Variants in HSPA4L observed in about 807,000 individuals in gnomAD.
HSPA4L encodes the protein heat shock protein family A (Hsp70) member 4 like, also known as heat shock 70 kDa protein 4L.
A neutral mutation model predicts 100.3 loss-of-function variants in HSPA4L; 48 were observed. The ratio of observed to expected loss-of-function variants is 0.48; its 90% CI spans 0.38 to 0.61. HSPA4L has a LOEUF of 0.61. HSPA4L is among the 20% of genes least tolerant of loss of function. HSPA4L has a pLI of 0.00. For synonymous variants in HSPA4L, 319 were observed against 328.2 expected, an observed-to-expected ratio of 0.97 and a Z score of 0.30; for missense variants, 886 against 988.6, an observed-to-expected ratio of 0.90 and a Z score of 1.39.
intron 1 of HSPA4L, among the ~76,000 whole-genome samples, chr4:127,785,971 T>C (rs1732705630): frequency 6.6e-6 from 1 of 152,230 alleles, no homozygotes; most frequent in Non-Finnish European, 1.5e-5. Flanking sequence ...CATGTCTGCA[T>C]TGTTACTTAA....
Position 127,801,252 on chromosome 4 carries a change from A to G in HSPA4L, c.529+15A>G, listed in dbSNP as rs1003736836. 1.7e-5 allele frequency: 26 copies of G among 1,563,132 alleles called. No individual in the cohort carries two copies. Among genetic ancestry groups the G allele is most frequent in the Non-Finnish European group, 2.3e-5 (26 of 1,147,364 alleles). On this transcript the variant is annotated intron_variant, in intron 5 of 18. Coordinates refer to ENST00000296464, the MANE Select transcript of HSPA4L (RefSeq NM_014278.4). ...AACTACTGCAGGTGAGCACTTTGCA[A>G]TTTGAAAATCACTATAAGCAAAATA...
rs747486573 is a variant in HSPA4L at position 127,820,418 on chromosome 4, G to A, written c.1675-10G>A. The A allele has an allele frequency of 1.4e-5, 22 of 1,545,310 alleles. No homozygotes were observed. Among genetic ancestry groups the A allele is most frequent in the Non-Finnish European group, 1.7e-5 (20 of 1,152,266 alleles). Reference sequence around the variant, plus strand: ...TTTTAGAAATTTATACTTCTCTTTCGGATTTGCAGTCAGCTGTCTCAGACA... The same window carrying A: ...TTTTAGAAATTTATACTTCTCTTTCAGATTTGCAGTCAGCTGTCTCAGACA... On this transcript the variant is annotated splice_polypyrimidine_tract_variant and intron_variant, in intron 13 of 18. Transcript: ENST00000296464.
In HSPA4L at chr4:127,839,529, C is replaced by T. The variant is rs1734313453; in HGVS notation, c.*6655C>T. 6.7e-6 allele frequency: 1 copy of T among 150,084 alleles called. No individual in the cohort carries two copies. Among genetic ancestry groups the T allele is most frequent in the Non-Finnish European group, 1.5e-5 (1 of 67,540 alleles). 9.3% of individuals were successfully genotyped at this position (150,084 alleles called of 1,614,324 possible). ...CTTGAACCCTGGCGAAACCCCATTTCTAAAATAGAAAAATTTAGCCGGGTG... is the reference window on the plus strand; with the variant it reads ...CTTGAACCCTGGCGAAACCCCATTTTTAAAATAGAAAAATTTAGCCGGGTG... On this transcript the variant is annotated 3_prime_UTR_variant, in exon 19 of 19. Transcript: ENST00000296464.
At chr4:127,795,656 C>A in intron 2 of HSPA4L, 112 bp from the exon 3 acceptor site, 1 of 976,516 alleles carries the variant, frequency 1.0e-6, no homozygotes, top group Non-Finnish European at 1.5e-6. Flanking sequence ...TATTTGTAAT[C>A]CTAAACTTGG....
chr4:127,803,647 G>T lies in HSPA4L; in HGVS notation c.682G>T (p.Asp228Tyr). 1 of 1,612,578 alleles carries T rather than the reference G, an allele frequency of 6.2e-7. No homozygotes were observed. Among genetic ancestry groups the T allele is most frequent in the Non-Finnish European group, 8.5e-7 (1 of 1,179,534 alleles). The change falls in exon 7 of 19, where the codon GAT becomes TAT. Residue 228 changes from aspartate (D) to tyrosine (Y), a missense_variant. Physicochemically the swap from Asp to Tyr is radical, Grantham distance 160. Coordinates refer to ENST00000296464, the MANE Select transcript of HSPA4L (RefSeq NM_014278.4). Reference sequence around the variant, plus strand: ...TAAACAGGTCTTGGCTACTACCTTTGATCCATATTTGGGTGGCAGGAACTT... The same window carrying T: ...TAAACAGGTCTTGGCTACTACCTTTTATCCATATTTGGGTGGCAGGAACTT... ...GKLKVLATTF[D>Y]PYLGGRNFDE... is the part of the protein sequence containing the mutation.
rs1733416026 is a variant in HSPA4L, at chr4:127,808,137, A to T, written c.1378+8A>T. Reference sequence around the variant, plus strand: ...ATCCTGATGCAAGAATTGGTAAGATAAAAAAAAGTTCTCCATAACATTTTG... The same window carrying T: ...ATCCTGATGCAAGAATTGGTAAGATTAAAAAAAGTTCTCCATAACATTTTG... On this transcript the variant is annotated splice_region_variant and intron_variant, in intron 11 of 18. Coordinates refer to ENST00000296464, the MANE Select transcript of HSPA4L (RefSeq NM_014278.4). The T allele has an allele frequency of 6.4e-7, 1 of 1,561,610 alleles. No homozygotes were observed. Among genetic ancestry groups the T allele is most frequent in the Non-Finnish European group, 8.6e-7 (1 of 1,156,836 alleles).
rs1352425769 is a variant in HSPA4L, at chr4:127,830,620, C to A, written c.2167-18C>A. On this transcript the variant is annotated intron_variant, in intron 17 of 18. Coordinates refer to ENST00000296464, the MANE Select transcript of HSPA4L (RefSeq NM_014278.4). ...GAAAAATCATTAACATGCAGTCAAG[C>A]TTTTTTTTTTTAAATAGGATGAAAG... The A allele has an allele frequency of 3.2e-6, 4 of 1,233,132 alleles. No individual in the cohort carries two copies. The highest frequency in any genetic ancestry group is 4.4e-6 in the Non-Finnish European group (4 of 910,790). The allele number at this position is 1,233,132 out of a possible 1,614,324, so 76.4% of individuals were successfully genotyped here.
At chr4:127,827,028 C>G (rs1733965901) in intron 16 of HSPA4L, among the ~76,000 whole-genome samples, 1 of 151,802 alleles carries the variant, frequency 6.6e-6, no homozygotes, top group South Asian at 2.1e-4. Context: ...GTTTTAACAC[C>G]CAGCTTTTAA....
chr4:127,821,597 A>G (rs1305879280), intron 14 of HSPA4L, among the ~76,000 whole-genome samples: 1 of 152,110 alleles, frequency 6.6e-6, no homozygotes, highest in Non-Finnish European at 1.5e-5. Context: ...TTCACAGGTG[A>G]GGAAACTGAG....
rs765879421 is a variant in HSPA4L, at chr4:127,818,336, G to T, written c.1590G>T (p.Gln530His). 1 of 1,608,448 alleles carries T rather than the reference G, an allele frequency of 6.2e-7. No individual in the cohort carries two copies. The highest frequency in any genetic ancestry group is 1.1e-5 in the South Asian group (1 of 90,340). Residue 530 changes from glutamine (Q) to histidine (H), a missense_variant, in exon 13 of 19, where the codon CAG (glutamine) becomes CAT (histidine). Transcript: ENST00000296464. Reference protein sequence around the residue: ...NENKDNMDKMQVDQEEGHQKC... With the variant: ...NENKDNMDKMHVDQEEGHQKC... The stretch of plus-strand genomic sequence containing the variant: ...TATTTTCTTTCTAGGATAAAATGCA[G>T]GTTGATCAAGAAGAAGGGCATCAAA...
At position 127,801,794 on chromosome 4, in the gene HSPA4L, C is replaced by T. The variant is rs137878800; in HGVS notation, c.539C>T (p.Ala180Val). 721 of 1,604,754 alleles carry T rather than the reference C, an allele frequency of 4.5e-4. 5 individuals carry two copies. In the African/African-American group the frequency reaches 7.9e-3, roughly 17 times the overall value. The part of the protein sequence containing the change: ...LMNETTAVAL[A>V]YGIYKQDLPP... ...CTTTGTTCTTATACAGTTGCACTGG[C>T]GTATGGAATTTATAAACAGGATCTT... Residue 180 changes from alanine to valine, a missense_variant, in exon 6 of 19, where the codon GCG becomes GTG. Physicochemically the swap from Ala to Val is moderately conservative, Grantham distance 64. Coordinates refer to ENST00000296464, the MANE Select transcript of HSPA4L (RefSeq NM_014278.4).
chr4:127,805,076 T>A lies in HSPA4L; in HGVS notation c.989T>A (p.Leu330Ter). The change falls in exon 9 of 19, where the codon TTA becomes TAA. Residue 330 changes from leucine to a stop codon, truncating the protein, a stop_gained. Transcript: ENST00000296464. LOFTEE classifies it high-confidence loss of function. ...CTCAATTAAAAAAATTTTCCAGACT[T>A]ACAACGTGAAGACATTAGTAGTATA... ...PLKAVMEQAN[L>*]QREDISSIEI... 2 of 1,588,040 alleles carry A rather than the reference T, an allele frequency of 1.3e-6. No individual in the cohort carries two copies. The highest frequency in any genetic ancestry group is 1.7e-6 in the Non-Finnish European group (2 of 1,168,686).
chr4:127,832,490 T>C (rs1487725534), intron 18 of HSPA4L, among the ~76,000 whole-genome samples, 193 bp from the exon 19 acceptor site: 2 of 152,214 alleles, frequency 1.3e-5, no homozygotes, highest in Non-Finnish European at 2.9e-5. Context: ...AATTTTTGAC[T>C]GCCACAGACA....
In HSPA4L at chr4:127,835,847, G is replaced by C. The variant is rs1734193955; in HGVS notation, c.*2973G>C. ...ACCTGTAATCCTAGCACTTTGAGAG[G>C]CTAAGAAGGGAGGATCACTTGAACC... On this transcript the variant is annotated 3_prime_UTR_variant, in exon 19 of 19. Coordinates refer to ENST00000296464, the MANE Select transcript of HSPA4L (RefSeq NM_014278.4). 6.6e-6 allele frequency: 1 copy of C among 152,352 alleles called. No homozygotes were observed. The highest frequency in any genetic ancestry group is 2.1e-4 in the South Asian group (1 of 4,820). 9.4% of individuals were successfully genotyped at this position (152,352 alleles called of 1,614,324 possible). A position where few individuals can be genotyped will look rare whatever the true frequency, so the allele number is the denominator to read the frequency against.
At chr4:127,804,537 C>T (rs2148786300) in intron 8 of HSPA4L, among the ~76,000 whole-genome samples, 1 of 151,606 alleles carries the variant, frequency 6.6e-6, no homozygotes, top group Non-Finnish European at 1.5e-5. Context: ...ACCTGGGAGG[C>T]GGATGTTGCA....
chr4:127,803,542 T>C (rs535824505), intron 6 of HSPA4L, 87 bp from the exon 7 acceptor site: 1 of 1,326,324 alleles, frequency 7.5e-7, no homozygotes, highest in East Asian at 2.5e-5. Context: ...TTTTTATTTT[T>C]ACATTTTTTT....
intron 17 of HSPA4L, among the ~76,000 whole-genome samples, chr4:127,827,894 G>A (rs1421737345): frequency 6.6e-6 from 1 of 151,840 alleles, no homozygotes; most frequent in South Asian, 2.1e-4. Context: ...ATTCTTTTAT[G>A]TACATATTCA....
chr4:127,805,276 A>G, intron 9 of HSPA4L, 52 bp downstream of exon 9: 1 of 1,439,622 alleles, frequency 6.9e-7, no homozygotes. Flanking sequence ...GAAATGAGTG[A>G]TAGATCCAAA....
chr4:127,785,653 T>C (rs1428619809), intron 1 of HSPA4L, among the ~76,000 whole-genome samples: 3 of 152,128 alleles, frequency 2.0e-5, no homozygotes, highest in East Asian at 1.9e-4. Context: ...TCCAGGCTGG[T>C]CTCGAACTCC....
Sources: gnomAD v4.1 joint callset for allele counts (sites outside exome capture counted in the v4.1 genomes callset) on GRCh38, gnomAD v4.1.1 for gene constraint, MANE v1.5 for transcripts, NCBI Gene and HGNC (gene_info 2026-07-23, HGNC 2026-07-21) for gene names.